Variants in IGSF21 observed in about 807,000 individuals in gnomAD.
IGSF21 encodes the protein immunoglobulin superfamily member 21.
Under a neutral mutation model 46.8 loss-of-function variants are expected in IGSF21, and 28 were observed. That is an observed-to-expected ratio of 0.60 (90% CI 0.44 to 0.82). IGSF21 has a LOEUF of 0.82. IGSF21 is among the 40% of genes least tolerant of loss of function. The pLI is 0.00. For synonymous variants in IGSF21, 284 were observed against 273.6 expected (o/e 1.04, Z -0.38); for missense variants, 624 against 665.5 (o/e 0.94, Z 0.69).
At chr1:18,347,763 A>G (rs965730088) in intron 4 of IGSF21, among the ~76,000 whole-genome samples, 6 of 152,186 alleles carry the variant, frequency 3.9e-5, no homozygotes, top group African/African-American at 1.4e-4. Flanking sequence ...TCCCTGGGGA[A>G]TAGAGCTAGC....
At chr1:18,323,443 A>G (rs1485807871) in intron 3 of IGSF21, among the ~76,000 whole-genome samples, 1 of 152,236 alleles carries the variant, frequency 6.6e-6, no homozygotes, top group Non-Finnish European at 1.5e-5. Context: ...GTGTGAAGAT[A>G]GAACTGAGAA....
At chr1:18,324,772 C>T (rs1010448610) in intron 3 of IGSF21, among the ~76,000 whole-genome samples, 20 of 152,086 alleles carry the variant, frequency 1.3e-4, no homozygotes, top group East Asian at 5.8e-4. Context: ...CCACCCCTCC[C>T]GGAGGAAGTG....
rs546388487 is a variant in IGSF21, at chr1:18,377,367, G to T, written c.1295-26G>T. ...AGCTCTGAAGGCCATCCACCCTTTG[G>T]TTCTCTTTCTGTTTCTTTCCAACAG... On this transcript the variant is annotated intron_variant, in intron 8 of 9. Transcript: ENST00000251296. 9 of 1,609,734 alleles carry T rather than the reference G, an allele frequency of 5.6e-6. No homozygotes were observed. The East Asian group carries it at 1.6e-4, about 28-fold the overall frequency.
chr1:18,280,695 A>T (rs1351196966), intron 2 of IGSF21, among the ~76,000 whole-genome samples: 1 of 152,044 alleles, frequency 6.6e-6, no homozygotes, highest in East Asian at 1.9e-4. Context: ...GAGCCTAACC[A>T]CTACCAAACC....
At chr1:18,190,872 G>C (rs1185906735) in intron 1 of IGSF21, among the ~76,000 whole-genome samples, 2 of 152,192 alleles carry the variant, frequency 1.3e-5, no homozygotes, top group Non-Finnish European at 2.9e-5. Context: ...TGAGGGGAGA[G>C]CTGGGTTACC....
At chr1:18,197,145 G>A (rs1242840979) in intron 1 of IGSF21, among the ~76,000 whole-genome samples, 3 of 152,318 alleles carry the variant, frequency 2.0e-5, no homozygotes, top group Non-Finnish European at 4.4e-5. Context: ...CTCAGCATTC[G>A]GGTGTCTCGA....
intron 4 of IGSF21, among the ~76,000 whole-genome samples, chr1:18,349,260 G>A (rs1294458963): frequency 6.6e-6 from 1 of 152,166 alleles, no homozygotes; most frequent in Non-Finnish European, 1.5e-5. Context: ...TCTGCTCTGG[G>A]ACTTAAGGTC....
At chr1:18,209,033 A>G (rs546987010) in intron 1 of IGSF21, among the ~76,000 whole-genome samples, 1 of 152,294 alleles carries the variant, frequency 6.6e-6, no homozygotes, top group East Asian at 1.9e-4. Flanking sequence ...CTGGGGAGGA[A>G]GGAGAAGGTG....
intron 1 of IGSF21, among the ~76,000 whole-genome samples, chr1:18,198,506 C>G (rs1286860545): frequency 6.6e-6 from 1 of 152,212 alleles, no homozygotes. Flanking sequence ...TTATTTTCTT[C>G]ACTATAAAGC....
intron 2 of IGSF21, among the ~76,000 whole-genome samples, chr1:18,268,800 G>A (rs2085015082): frequency 6.6e-6 from 1 of 152,202 alleles, no homozygotes; most frequent in Non-Finnish European, 1.5e-5. Context: ...GCTGAGAGCT[G>A]TCCCACAGGC....
chr1:18,365,122 T>C lies in IGSF21; in HGVS notation c.541-101T>C. On this transcript the variant is annotated intron_variant, in intron 5 of 9. Transcript: ENST00000251296. The surrounding 1 kb of genome is among the most constrained non-coding windows in gnomAD (Gnocchi z 4.8). ...GGCTACTGTCTAGACTACTATGCTCTGGAAGAACTGGCATCCTGTGCCCAG... is the reference window on the plus strand; with the variant it reads ...GGCTACTGTCTAGACTACTATGCTCCGGAAGAACTGGCATCCTGTGCCCAG... 2 of 870,602 alleles carry C rather than the reference T, an allele frequency of 2.3e-6. No homozygotes were observed. The highest frequency in any genetic ancestry group is 3.7e-6 in the Non-Finnish European group (2 of 541,456). 53.9% of individuals were successfully genotyped at this position (870,602 alleles called of 1,614,324 possible). A position where few individuals can be genotyped will look rare whatever the true frequency, so the allele number is the denominator to read the frequency against.
At position 18,362,277 on chromosome 1, in the gene IGSF21, C is replaced by T. The variant is rs777529008; in HGVS notation, c.540+47C>T. 7 of 1,383,666 alleles carry T rather than the reference C, an allele frequency of 5.1e-6. No individual in the cohort carries two copies. The South Asian group carries it at 7.4e-5, about 15-fold the overall frequency. The allele number at this position is 1,383,666 out of a possible 1,614,324, so 85.7% of individuals were successfully genotyped here. A position where few individuals can be genotyped will look rare whatever the true frequency, so the allele number is the denominator to read the frequency against. On this transcript the variant is annotated intron_variant, in intron 5 of 9. Coordinates refer to ENST00000251296, the MANE Select transcript of IGSF21 (RefSeq NM_032880.5). The stretch of plus-strand genomic sequence containing the variant: ...AGCTCCTTCCTATCTGCCGGACCAC[C>T]CTGCTTCGGGGCTGGTCCAGCTGCA...
chr1:18,278,884 G>A (rs1194217819), intron 2 of IGSF21: 1 of 471,710 alleles, frequency 2.1e-6, no homozygotes, highest in South Asian at 1.5e-5. Context: ...GTGGAAGCCA[G>A]GTAATGGGTA....
chr1:18,108,013 G>T lies in IGSF21; in HGVS notation c.-116G>T. ...GCCCCCGCGGCTCTCCGCGCTGCCC[G>T]CCACCGCCTCGGCCAGTGGCCGGAG... On this transcript the variant is annotated 5_prime_UTR_variant, in exon 1 of 10. Transcript: ENST00000251296. 2.7e-6 allele frequency: 1 copy of T among 368,568 alleles called. No homozygotes were observed. Among genetic ancestry groups the T allele is most frequent in the Non-Finnish European group, 4.4e-6 (1 of 228,952 alleles). 22.8% of individuals were successfully genotyped at this position (368,568 alleles called of 1,614,324 possible).
chr1:18,346,073 G>T (rs2085890475), intron 4 of IGSF21, among the ~76,000 whole-genome samples: 1 of 152,210 alleles, frequency 6.6e-6, no homozygotes, highest in Admixed American at 6.5e-5. Flanking sequence ...GAGGAGGAAA[G>T]CTGTTCTTAC....
intron 3 of IGSF21, among the ~76,000 whole-genome samples, chr1:18,328,949 G>T (rs943133464): frequency 3.3e-5 from 5 of 152,148 alleles, no homozygotes; most frequent in African/African-American, 1.2e-4. Context: ...AGAATTAAGG[G>T]GCCCGCCAGA....
rs139432689 is a variant in IGSF21 at position 18,185,986 on chromosome 1, A to G, written c.71-41912A>G. On this transcript the variant is annotated intron_variant, in intron 1 of 9. Transcript: ENST00000251296. The stretch of plus-strand genomic sequence containing the variant: ...AATCTGGTGAAATAAAGTGGTGGAA[A>G]GTGCCTAGCCAAATGCCAAAGCGTT... Among the ~76,000 whole-genome samples, 1,227 of 152,296 alleles carry G rather than the reference A, an allele frequency of 8.1e-3. 17 individuals carry two copies. Among genetic ancestry groups the G allele is most frequent in the African/African-American group, 0.028 (1,173 of 41,564 alleles).
chr1:18,340,025 T>C (rs906803693), intron 4 of IGSF21, among the ~76,000 whole-genome samples: 1 of 152,266 alleles, frequency 6.6e-6, no homozygotes, highest in African/African-American at 2.4e-5. Context: ...GTTTCCTTTC[T>C]GGTAAAACAG....
At chr1:18,145,135 C>A (rs2086453511) in intron 1 of IGSF21, among the ~76,000 whole-genome samples, 1 of 152,090 alleles carries the variant, frequency 6.6e-6, no homozygotes, top group African/African-American at 2.4e-5. Context: ...ATGGTGCTGA[C>A]CCTGTCAGCC....
Sources: allele counts gnomAD v4.1 joint callset (sites outside exome capture counted in the v4.1 genomes callset), GRCh38; gene constraint gnomAD v4.1.1; non-coding constraint Gnocchi (gnomAD v3.1); transcripts MANE v1.5; gene names NCBI Gene and HGNC (gene_info 2026-07-23, HGNC 2026-07-21).